FAAH2: variants seen among roughly 807,000 people sequenced by gnomAD.
FAAH2 encodes the protein fatty acid amide hydrolase 2.
FAAH2 carries 60 observed loss-of-function variants against 36.9 expected under a neutral mutation model. That is an observed-to-expected ratio of 1.63 (90% CI 1.32 to 2.02). FAAH2 has a LOEUF of 2.02. FAAH2 is among the 30% of genes most tolerant of loss of function. FAAH2 has a pLI of 0.00. For missense variants in FAAH2, 689 were observed against 397.5 expected, an observed-to-expected ratio of 1.73 and a Z score of -6.23; for synonymous variants, 214 against 143.8, an observed-to-expected ratio of 1.49 and a Z score of -3.49.
chrX:57,324,683 T>C (rs781228642), intron 3 of FAAH2, among the ~76,000 whole-genome samples: 1 of 112,350 alleles, frequency 8.9e-6, no homozygotes, highest in Non-Finnish European at 1.9e-5. Flanking sequence ...TTTTTGCACA[T>C]TGATTTTATA....
At chrX:57,213,153 A>G in the FAAH2 span, among the ~76,000 whole-genome samples, 3 of 111,393 alleles carry the variant, frequency 2.7e-5, no homozygotes, top group Middle Eastern at 4.6e-3. Flanking sequence ...TATGCTTCAT[A>G]CTTTTGTAGT....
the FAAH2 span, among the ~76,000 whole-genome samples, chrX:57,200,527 T>C: frequency 9.1e-6 from 1 of 110,269 alleles, no homozygotes; most frequent in South Asian, 3.9e-4. Flanking sequence ...TACAGGCATG[T>C]ACCACCATGC....
chrX:57,223,404 C>T, the FAAH2 span, among the ~76,000 whole-genome samples: 67 of 111,912 alleles, frequency 6.0e-4, no homozygotes, highest in African/African-American at 2.1e-3. Context: ...AGGAAAGGTG[C>T]TTTATTCTTC....
intron 7 of FAAH2, among the ~76,000 whole-genome samples, chrX:57,398,174 C>T (rs770509175): frequency 7.9e-4 from 88 of 112,065 alleles, no homozygotes; most frequent in African/African-American, 2.6e-3. Context: ...GATTATAAAT[C>T]GTGCTGCTAT....
chrX:57,478,496 A>T (rs1033133339), intron 10 of FAAH2, among the ~76,000 whole-genome samples: 3 of 111,337 alleles, frequency 2.7e-5, no homozygotes, highest in African/African-American at 9.8e-5. Context: ...GTTTAATTAG[A>T]TCCCATTTGT....
chrX:57,418,785 A>G (rs2055918816), intron 7 of FAAH2, among the ~76,000 whole-genome samples: 1 of 108,629 alleles, frequency 9.2e-6, no homozygotes, highest in Non-Finnish European at 1.9e-5. Flanking sequence ...TTAGTTACAT[A>G]TGTATACATG....
the FAAH2 span, among the ~76,000 whole-genome samples, chrX:57,133,160 A>C: frequency 2.7e-5 from 3 of 111,763 alleles, no homozygotes; most frequent in Non-Finnish European, 5.6e-5. Context: ...ATGTTTTTCT[A>C]TTTAACACTA....
chrX:57,393,103 A>C, intron 7 of FAAH2: 9 of 974,655 alleles, frequency 9.2e-6, no homozygotes, highest in Non-Finnish European at 1.3e-5. Flanking sequence ...ACTTCACGGC[A>C]TCAAAAGCCC....
intron 7 of FAAH2, among the ~76,000 whole-genome samples, chrX:57,421,870 A>G (rs1207236281): frequency 8.9e-6 from 1 of 111,795 alleles, no homozygotes; most frequent in East Asian, 2.8e-4. Flanking sequence ...AGTCTAGAGT[A>G]GTTGCTACTT....
At chrX:57,299,760 T>A (rs1242049753) in intron 2 of FAAH2, among the ~76,000 whole-genome samples, 1 of 111,929 alleles carries the variant, frequency 8.9e-6, no homozygotes, top group Non-Finnish European at 1.9e-5. Flanking sequence ...CAGCAAAGTC[T>A]CAGGATACAA....
chrX:57,256,446 AG>A, the FAAH2 span, among the ~76,000 whole-genome samples: 1 of 111,888 alleles, frequency 8.9e-6, no homozygotes, highest in African/African-American at 3.2e-5. Flanking sequence ...GAAATCAAAA[AG>A]GACCCCGCAT....
chrX:57,162,229 C>T, the FAAH2 span, among the ~76,000 whole-genome samples: 107 of 111,494 alleles, frequency 9.6e-4, no homozygotes, highest in African/African-American at 3.0e-3. Context: ...CCGAGAGATC[C>T]GCTGTTAGTC....
chrX:57,465,048 A>C (rs1210815540), intron 10 of FAAH2, among the ~76,000 whole-genome samples: 3 of 111,814 alleles, frequency 2.7e-5, no homozygotes, highest in Non-Finnish European at 3.8e-5. Context: ...AAGAGATGAA[A>C]GTTATTTGAA....
chrX:57,473,710 A>T lies in FAAH2; in HGVS notation c.1424-15047A>T, dbSNP rs190106091. 1.7e-3 allele frequency among the ~76,000 whole-genome samples: 185 copies of T among 111,797 alleles called. 1 individual carries two copies. Among genetic ancestry groups the T allele is most frequent in the African/African-American group, 5.8e-3 (180 of 30,902 alleles). On this transcript the variant is annotated intron_variant, in intron 10 of 10. Transcript: ENST00000374900. ...CTGGATGTTCCAGTGTCTGTTGCAT[A>T]TATAATTTAAATAAATAAATCTTCT...
chrX:57,375,160 G>A (rs771245903), intron 5 of FAAH2, among the ~76,000 whole-genome samples: 1 of 109,372 alleles, frequency 9.1e-6, no homozygotes, highest in South Asian at 4.0e-4. Flanking sequence ...ATGTCCATCA[G>A]GGATATTGGT....
intron 2 of FAAH2, among the ~76,000 whole-genome samples, chrX:57,295,790 G>A (rs1029801766): frequency 8.9e-6 from 1 of 112,388 alleles, no homozygotes; most frequent in Admixed American, 9.4e-5. Flanking sequence ...GCTTAACAAA[G>A]GACACACCAG....
At chrX:57,244,568 C>A in the FAAH2 span, among the ~76,000 whole-genome samples, 1 of 111,444 alleles carries the variant, frequency 9.0e-6, no homozygotes, top group African/African-American at 3.3e-5. Flanking sequence ...AGAGTGGGGC[C>A]AATATTCAAC....
chrX:57,465,597 G>A (rs1159028586), intron 10 of FAAH2, among the ~76,000 whole-genome samples: 2 of 111,086 alleles, frequency 1.8e-5, no homozygotes, highest in South Asian at 3.7e-4. Context: ...TCTTTCAAAT[G>A]TTAAGACAAA....
In FAAH2 at chrX:57,466,156, C is replaced by CTATA. The variant is rs1163626331; in HGVS notation, c.1423+17459_1423+17462dup. Among the ~76,000 whole-genome samples, 364 of 66,366 alleles carry CTATA rather than the reference C, an allele frequency of 5.5e-3. 1 individual carries two copies. Among genetic ancestry groups the CTATA allele is most frequent in the African/African-American group, 0.02 (335 of 17,066 alleles). The allele number at this position is 66,366 out of a possible 115,157, so 57.6% of individuals were successfully genotyped here. ...TCTCTCTCTCTCTCTCTCTCTCTCT[C>CTATA]TATATATATATATATATATATATAC... On this transcript the variant is annotated intron_variant, in intron 10 of 10. Coordinates refer to ENST00000374900, the MANE Select transcript of FAAH2 (RefSeq NM_174912.4).
Sources: allele counts gnomAD v4.1 joint callset (sites outside exome capture counted in the v4.1 genomes callset), GRCh38; gene constraint gnomAD v4.1.1; transcripts MANE v1.5; gene names NCBI Gene and HGNC (gene_info 2026-07-23, HGNC 2026-07-21).